NACC2: variants seen among roughly 807,000 people sequenced by gnomAD.
NACC2 encodes the protein NACC family member 2, also known as nucleus accumbens-associated protein 2.
Under a neutral mutation model 25.1 loss-of-function variants are expected in NACC2, and 8 were observed. The ratio of observed to expected loss-of-function variants is 0.32; its 90% CI spans 0.19 to 0.57. The LOEUF is 0.57. Ranked by LOEUF, NACC2 falls within the 20% of genes least tolerant of loss-of-function variation. NACC2 has a pLI of 0.89. For synonymous variants in NACC2, 435 were observed against 294.7 expected (o/e 1.48, Z -4.88); for missense variants, 644 against 650.2 (o/e 0.99, Z 0.10).
chr9:136,012,652 GTTT>G (rs540279008), intron 5 of NACC2, among the ~76,000 whole-genome samples: 9,652 of 133,384 alleles, frequency 0.072, 498 homozygotes, highest in African/African-American at 0.21. Context: ...GCCTCACAAG[GTTT>G]TTTTTTTTTT....
At chr9:136,047,874 G>A (rs940906188) in intron 2 of NACC2, among the ~76,000 whole-genome samples, 15 of 152,308 alleles carry the variant, frequency 9.8e-5, no homozygotes, top group Non-Finnish European at 1.8e-4. Flanking sequence ...GACAAGTCAC[G>A]AGGCTTCACC....
At chr9:136,059,167 T>C (rs11103294) in intron 1 of NACC2, among the ~76,000 whole-genome samples, 43,002 of 152,172 alleles carry the variant, frequency 0.28, 6,987 homozygotes, top group Non-Finnish European at 0.36. Context: ...CTGGGACATC[T>C]GGGGGCAAAA....
chr9:136,074,216 C>T (rs11103312), intron 1 of NACC2, among the ~76,000 whole-genome samples: 4,889 of 150,212 alleles, frequency 0.033, 251 homozygotes, highest in African/African-American at 0.11. Context: ...TTTGGGAGGC[C>T]GAGGAGGGCA....
intron 2 of NACC2, among the ~76,000 whole-genome samples, chr9:136,040,142 G>A (rs1393234493): frequency 6.6e-6 from 1 of 151,992 alleles, no homozygotes; most frequent in East Asian, 1.9e-4. Context: ...TCAGGGGATT[G>A]AGACCATCCT....
At chr9:136,031,285 A>G (rs928918916) in intron 2 of NACC2, among the ~76,000 whole-genome samples, 16 of 152,164 alleles carry the variant, frequency 1.1e-4, no homozygotes, top group African/African-American at 3.9e-4. Flanking sequence ...GAACGTCGGT[A>G]TCAATGTTAG....
In NACC2 at chr9:136,084,637, C is replaced by T. The variant is rs1830358694; in HGVS notation, c.-60+10552G>A. Among the ~76,000 whole-genome samples the T allele has an allele frequency of 6.6e-6, 1 of 152,238 alleles. No homozygotes were observed. The highest frequency in any genetic ancestry group is 6.5e-5 in the Admixed American group (1 of 15,286). On this transcript the variant is annotated intron_variant, in intron 1 of 5. Transcript: ENST00000277554. The surrounding 1 kb of genome is among the most constrained non-coding windows in gnomAD (Gnocchi z 5.1). Reference sequence around the variant, plus strand: ...AGCAAGACTCAAACAGACGCGCACGCCACGTCCATAGCGGCAGCACCAGAC... The same window carrying T: ...AGCAAGACTCAAACAGACGCGCACGTCACGTCCATAGCGGCAGCACCAGAC...
rs1830360094 is a variant in NACC2 at position 136,084,686 on chromosome 9, G to A, written c.-60+10503C>T. Reference sequence around the variant, plus strand: ...ACAGCCAAGAGGCAAGTGGCCCCAGGGTCCGCCAATGGGTGACAGTCAAAG... The same window carrying A: ...ACAGCCAAGAGGCAAGTGGCCCCAGAGTCCGCCAATGGGTGACAGTCAAAG... On this transcript the variant is annotated intron_variant, in intron 1 of 5. Transcript: ENST00000277554. This position sits in a 1 kb window ranked among gnomAD's most constrained non-coding sequence, Gnocchi z 5.1. Among the ~76,000 whole-genome samples, 1 of 152,238 alleles carries A rather than the reference G, an allele frequency of 6.6e-6. No individual in the cohort carries two copies. The highest frequency in any genetic ancestry group is 2.4e-5 in the African/African-American group (1 of 41,464).
At chr9:136,031,682 G>C (rs187352468) in intron 2 of NACC2, among the ~76,000 whole-genome samples, 32 of 152,264 alleles carry the variant, frequency 2.1e-4, no homozygotes, top group African/African-American at 7.2e-4. Flanking sequence ...AGAAAACACA[G>C]AACTTTTCCT....
rs115579596 is a variant in NACC2 at position 136,084,531 on chromosome 9, C to T, written c.-60+10658G>A. On this transcript the variant is annotated intron_variant, in intron 1 of 5. Coordinates refer to ENST00000277554, the MANE Select transcript of NACC2 (RefSeq NM_144653.5). This position sits in a 1 kb window ranked among gnomAD's most constrained non-coding sequence, Gnocchi z 5.1. Reference sequence around the variant, plus strand: ...GGGTCCATCTATCAAATCTGTCAAACTGGCCCAGACCCCGGAGTCAGGGTC... The same window carrying T: ...GGGTCCATCTATCAAATCTGTCAAATTGGCCCAGACCCCGGAGTCAGGGTC... Among the ~76,000 whole-genome samples the T allele has an allele frequency of 9.4e-3, 1,434 of 152,316 alleles. 20 individuals are homozygous for T. The highest frequency in any genetic ancestry group is 0.032 in the African/African-American group (1,336 of 41,552).
rs907477831 is a variant in NACC2 at position 136,087,244 on chromosome 9, C to T, written c.-60+7945G>A. ...CTGAAGATGCACAGAGTGTCAACTC[C>T]GGGCCTGCAGAACTGGGACAGGAGC... On this transcript the variant is annotated intron_variant, in intron 1 of 5. Coordinates refer to ENST00000277554, the MANE Select transcript of NACC2 (RefSeq NM_144653.5). 5.3e-5 allele frequency among the ~76,000 whole-genome samples: 8 copies of T among 152,324 alleles called. 1 individual carries two copies. Among genetic ancestry groups the T allele is most frequent in the Admixed American group, 1.3e-4 (2 of 15,306 alleles).
At chr9:136,012,855 A>G (rs1254537287) in intron 5 of NACC2, among the ~76,000 whole-genome samples, 3 of 152,218 alleles carry the variant, frequency 2.0e-5, no homozygotes, top group Non-Finnish European at 2.9e-5. Flanking sequence ...CAAGAGCGGG[A>G]GGCAGAAGCC....
intron 2 of NACC2, among the ~76,000 whole-genome samples, chr9:136,017,021 G>A (rs772547055): frequency 6.6e-6 from 1 of 152,136 alleles, no homozygotes; most frequent in East Asian, 1.9e-4. Flanking sequence ...GCAAGGACAC[G>A]GGGGACTCAG....
intron 1 of NACC2, among the ~76,000 whole-genome samples, chr9:136,093,708 G>A (rs542739972): frequency 3.2e-4 from 49 of 152,250 alleles, no homozygotes; most frequent in African/African-American, 1.2e-3. Flanking sequence ...TGACCCCAGG[G>A]GAAAACGCCA....
Position 136,018,961 on chromosome 9 carries a change from G to A in NACC2, c.887-2532C>T, listed in dbSNP as rs1375468098. On this transcript the variant is annotated intron_variant, in intron 2 of 5. Transcript: ENST00000277554. This position sits in a 1 kb window ranked among gnomAD's most constrained non-coding sequence, Gnocchi z 4.4. ...TAAACAGCAGAAGTTGTTTGTGCTT[G>A]GAACACCCGCCCCTCCCCAGCCCCT... Among the ~76,000 whole-genome samples, 4 of 152,104 alleles carry A rather than the reference G, an allele frequency of 2.6e-5. No individual in the cohort carries two copies. The highest frequency in any genetic ancestry group is 5.9e-5 in the Non-Finnish European group (4 of 68,006).
intron 2 of NACC2, among the ~76,000 whole-genome samples, chr9:136,031,867 T>C (rs1794167431): frequency 6.6e-6 from 1 of 152,234 alleles, no homozygotes; most frequent in South Asian, 2.1e-4. Context: ...AGGCCCTGGC[T>C]CTGCATTCCC....
At chr9:136,078,927 C>T (rs892115357) in intron 1 of NACC2, among the ~76,000 whole-genome samples, 2 of 152,250 alleles carry the variant, frequency 1.3e-5, no homozygotes, top group Non-Finnish European at 2.9e-5. Flanking sequence ...CCCATCCCCA[C>T]GGGGAGCAGA....
intron 3 of NACC2, among the ~76,000 whole-genome samples, chr9:136,014,220 G>A (rs560389766): frequency 5.9e-5 from 9 of 152,034 alleles, no homozygotes; most frequent in Middle Eastern, 6.8e-3. Context: ...AAGCCACAGC[G>A]CCCCCCACCC....
chr9:136,030,628 G>C (rs1251561795), intron 2 of NACC2, among the ~76,000 whole-genome samples: 1 of 151,916 alleles, frequency 6.6e-6, no homozygotes, highest in African/African-American at 2.4e-5. Flanking sequence ...AATAAAAAGA[G>C]GGTACTGGAA....
chr9:136,036,931 C>T (rs1163277616), intron 2 of NACC2, among the ~76,000 whole-genome samples: 3 of 152,188 alleles, frequency 2.0e-5, no homozygotes, highest in Non-Finnish European at 4.4e-5. Flanking sequence ...TACAAAGCAA[C>T]ACAAAGGCAT....
Sources: gnomAD v4.1 joint callset for allele counts (sites outside exome capture counted in the v4.1 genomes callset) on GRCh38, gnomAD v4.1.1 for gene constraint, Gnocchi (gnomAD v3.1) non-coding constraint, MANE v1.5 for transcripts, NCBI Gene and HGNC (gene_info 2026-07-23, HGNC 2026-07-21) for gene names.